PAX9: variants seen among roughly 807,000 people sequenced by gnomAD.
The protein encoded by PAX9 is paired box 9, also known as paired box protein Pax-9.
Under a neutral mutation model 29.1 loss-of-function variants are expected in PAX9, and 6 were observed. The observed-to-expected ratio is 0.21, with a 90% CI of 0.11 to 0.41. The LOEUF (loss-of-function observed/expected upper bound fraction) is 0.41, where lower values mean the gene tolerates loss of function less well. Among genes scored for constraint, PAX9 ranks in the 10% least tolerant of loss-of-function variants. The pLI is 1.00. For missense variants in PAX9, 443 were observed against 479.1 expected, an observed-to-expected ratio of 0.92 and a Z score of 0.70; for synonymous variants, 217 against 211.7, an observed-to-expected ratio of 1.03 and a Z score of -0.22.
Position 36,666,386 on chromosome 14 carries a change from C to T in PAX9, c.632-76C>T, listed in dbSNP as rs535474925. On this transcript the variant is annotated intron_variant, in intron 2 of 3. Transcript: ENST00000361487. ...GTCTAAGCCCTCCAGCTCTCCGTCG[C>T]GGGTTTGGGTCCCGTCTCAAGAGTG... The T allele has an allele frequency of 1.6e-5, 24 of 1,547,812 alleles. No homozygotes were observed. The South Asian group carries it at 2.6e-4, about 17-fold the overall frequency.
chr14:36,679,192 ATTTTG>A lies in PAX9; in HGVS notation c.*2750_*2754del. 1.0e-6 allele frequency: 1 copy of A among 984,996 alleles called. No individual in the cohort carries two copies. Among genetic ancestry groups the A allele is most frequent in the South Asian group, 4.7e-5 (1 of 21,276 alleles). The allele number at this position is 984,996 out of a possible 1,614,324, so 61.0% of individuals were successfully genotyped here. A position where few individuals can be genotyped will look rare whatever the true frequency, so the allele number is the denominator to read the frequency against. On this transcript the variant is annotated 3_prime_UTR_variant, in exon 4 of 4. Transcript: ENST00000361487. ...ACATTCTTATTTCTTTTTTTTCACA[ATTTTG>A]TTTTGTTTTTAATGACCCTTTTATT...
chr14:36,658,175 G>C (rs1343244945), upstream of PAX9, among the ~76,000 whole-genome samples: 1 of 152,178 alleles, frequency 6.6e-6, no homozygotes, highest in Non-Finnish European at 1.5e-5. Flanking sequence ...GAGAAGCTGG[G>C]CTTGTTTTTC....
upstream of PAX9, among the ~76,000 whole-genome samples, chr14:36,659,906 C>A (rs1881191404): frequency 6.6e-6 from 1 of 152,176 alleles, no homozygotes; most frequent in Non-Finnish European, 1.5e-5. Flanking sequence ...AGTCCCCAGA[C>A]CCCCCGCGGG....
intron 3 of PAX9, among the ~76,000 whole-genome samples, chr14:36,674,320 T>C (rs1444693087): frequency 6.6e-6 from 1 of 152,266 alleles, no homozygotes; most frequent in Non-Finnish European, 1.5e-5. Context: ...ATTGCATCTA[T>C]CTTTTAAGTG....
Position 36,678,767 on chromosome 14 carries a change from T to C in PAX9, c.*2315T>C. 1 of 1,086,390 alleles carries C rather than the reference T, an allele frequency of 9.2e-7. No individual in the cohort carries two copies. The highest frequency in any genetic ancestry group is 1.1e-6 in the Non-Finnish European group (1 of 886,394). 67.3% of individuals were successfully genotyped at this position (1,086,390 alleles called of 1,614,324 possible). A position where few individuals can be genotyped will look rare whatever the true frequency, so the allele number is the denominator to read the frequency against. Reference sequence around the variant, plus strand: ...TAATTTTTTTCTGGTTCTTGTATTTTAAAAAATCTAATATTAATGGTATTG... The same window carrying C: ...TAATTTTTTTCTGGTTCTTGTATTTCAAAAAATCTAATATTAATGGTATTG... On this transcript the variant is annotated 3_prime_UTR_variant, in exon 4 of 4. Coordinates refer to ENST00000361487, the MANE Select transcript of PAX9 (RefSeq NM_001372076.1).
Position 36,676,313 on chromosome 14 carries a change from A to T in PAX9, c.887A>T (p.Tyr296Phe). Residue 296 changes from tyrosine (Y) to phenylalanine (F), a missense_variant, in exon 4 of 4, where the codon TAT becomes TTT. Physicochemically the swap from Tyr to Phe is conservative, Grantham distance 22. Transcript: ENST00000361487. ...YMTYSAAPSG[Y>F]VAGHGWQHAG... ...ACCTACAGTGCTGCTCCTTCTGGTTATGTTGCTGGACATGGGTGGCAACAT... is the reference window on the plus strand; with the variant it reads ...ACCTACAGTGCTGCTCCTTCTGGTTTTGTTGCTGGACATGGGTGGCAACAT... The T allele has an allele frequency of 6.2e-7, 1 of 1,614,138 alleles. No homozygotes were observed. Among genetic ancestry groups the T allele is most frequent in the Non-Finnish European group, 8.5e-7 (1 of 1,180,032 alleles).
rs1881283383 is a variant in PAX9, at chr14:36,661,913, TC to T, written c.-176del. ...AAATGCAGAACTCAAGCCTCTTTCA[TC>T]GGGGCACAGACTTCCTTTTACTTCT... On this transcript the variant is annotated 5_prime_UTR_variant, in exon 1 of 4. In the 5' UTR this introduces an upstream ATG that the reference lacks. Transcript: ENST00000361487. The T allele has an allele frequency of 1.3e-6, 1 of 749,576 alleles. No individual in the cohort carries two copies. Among genetic ancestry groups the T allele is most frequent in the East Asian group, 2.7e-5 (1 of 37,200 alleles). 46.4% of individuals were successfully genotyped at this position (749,576 alleles called of 1,614,324 possible). A position where few individuals can be genotyped will look rare whatever the true frequency, so the allele number is the denominator to read the frequency against.
intron 3 of PAX9, among the ~76,000 whole-genome samples, chr14:36,668,492 G>T (rs1041244202): frequency 2.1e-4 from 32 of 152,228 alleles, no homozygotes; most frequent in African/African-American, 6.7e-4. Context: ...GGGTTCAAGC[G>T]GTTCTCCTGC....
At chr14:36,662,231 T>A in intron 1 of PAX9, 138 bp downstream of exon 1, 1 of 1,024,344 alleles carries the variant, frequency 9.8e-7, no homozygotes, top group Non-Finnish European at 1.4e-6. Context: ...CTCGTGTTCC[T>A]ACAAGTTGTA....
intron 3 of PAX9, among the ~76,000 whole-genome samples, chr14:36,671,398 A>T (rs1881688160): frequency 6.6e-6 from 1 of 151,700 alleles, no homozygotes; most frequent in South Asian, 2.1e-4. Context: ...TGGAATAACC[A>T]TAAATCAAGT....
chr14:36,658,370 G>A (rs551919995), upstream of PAX9, among the ~76,000 whole-genome samples: 55 of 140,070 alleles, frequency 3.9e-4, no homozygotes, highest in Middle Eastern at 3.7e-3. Flanking sequence ...CCTGGGCCTC[G>A]CTTGGGGGGG....
At chr14:36,658,623 C>G (rs539815092), upstream of PAX9, 155 of 152,434 alleles carry the variant, frequency 1.0e-3, no homozygotes, top group African/African-American at 3.7e-3. Context: ...TCCGCACAAC[C>G]TGTAGTGCTT....
rs368787836 is a variant in PAX9, at chr14:36,666,519, G to T, written c.689G>T (p.Arg230Leu). 9 of 1,603,400 alleles carry T rather than the reference G, an allele frequency of 5.6e-6. No homozygotes were observed. The highest frequency in any genetic ancestry group is 7.7e-6 in the Non-Finnish European group (9 of 1,175,416). The part of the protein sequence containing the change: ...PKVEEWSSLG[R>L]NNFPAAAPHA... The stretch of plus-strand genomic sequence containing the variant: ...GTGGAGGAGTGGAGCAGCCTGGGCC[G>T]CAACAACTTCCCCGCCGCCGCCCCG... The change falls in exon 3 of 4, where the codon CGC becomes CTC. Residue 230 changes from arginine (R) to leucine (L), a missense_variant. Coordinates refer to ENST00000361487, the MANE Select transcript of PAX9 (RefSeq NM_001372076.1).
chr14:36,659,904 G>C (rs1881191204), upstream of PAX9, among the ~76,000 whole-genome samples: 1 of 152,170 alleles, frequency 6.6e-6, no homozygotes, highest in South Asian at 2.1e-4. Context: ...AGAGTCCCCA[G>C]ACCCCCCGCG....
chr14:36,662,708 C>T, intron 1 of PAX9, 189 bp from the exon 2 acceptor site: 1 of 666,436 alleles, frequency 1.5e-6, no homozygotes, highest in Non-Finnish European at 2.5e-6. Flanking sequence ...GGGAGGGGGT[C>T]CGATTGGACA....
intron 3 of PAX9, among the ~76,000 whole-genome samples, chr14:36,668,008 A>T (rs180892267): frequency 1.6e-3 from 251 of 152,328 alleles, no homozygotes; most frequent in Non-Finnish European, 2.7e-3. Flanking sequence ...CCCAACCCAG[A>T]GATGTTATGA....
At position 36,678,869 on chromosome 14, in the gene PAX9, G is replaced by T; in HGVS notation, c.*2417G>T. On this transcript the variant is annotated 3_prime_UTR_variant, in exon 4 of 4. Transcript: ENST00000361487. ...TTTTAAAAGATATCAGATACAATTT[G>T]CTATTCAAAGAAAATTATGATTTAA... The T allele has an allele frequency of 1.0e-6, 1 of 969,668 alleles. No homozygotes were observed. The highest frequency in any genetic ancestry group is 1.2e-6 in the Non-Finnish European group (1 of 813,664). 60.1% of individuals were successfully genotyped at this position (969,668 alleles called of 1,614,324 possible).
intron 2 of PAX9, 131 bp from the exon 3 acceptor site, chr14:36,666,331 G>C (rs990273284): frequency 8.0e-7 from 1 of 1,248,144 alleles, no homozygotes; most frequent in African/African-American, 1.5e-5. Flanking sequence ...CAGCGCCCTC[G>C]GGAGGCCAAG....
intron 3 of PAX9, among the ~76,000 whole-genome samples, chr14:36,669,364 C>A (rs950127162): frequency 3.3e-5 from 5 of 151,976 alleles, no homozygotes; most frequent in African/African-American, 1.2e-4. Flanking sequence ...ATATTTCAAC[C>A]AAAATGTAAA....
Sources: gnomAD v4.1 joint callset for allele counts (sites outside exome capture counted in the v4.1 genomes callset) on GRCh38, gnomAD v4.1.1 for gene constraint, MANE v1.5 for transcripts, NCBI Gene and HGNC (gene_info 2026-07-23, HGNC 2026-07-21) for gene names.